HPD: variants seen among roughly 807,000 people sequenced by gnomAD.
The protein encoded by HPD is 4-hydroxyphenylpyruvate dioxygenase, also known as 4-hydroxyphenylpyruvic acid oxidase.
Under a neutral mutation model 56.9 loss-of-function variants are expected in HPD, and 35 were observed. The ratio of observed to expected loss-of-function variants is 0.62; its 90% CI spans 0.47 to 0.82. The LOEUF (loss-of-function observed/expected upper bound fraction) is 0.82. Among genes scored for constraint, HPD ranks in the 40% least tolerant of loss-of-function variants. The probability of loss-of-function intolerance (pLI) is 0.00; values close to 1 mark genes in which losing one functional copy is unlikely to be tolerated. For synonymous variants in HPD, 186 were observed against 200.2 expected, an observed-to-expected ratio of 0.93 and a Z score of 0.60; for missense variants, 442 against 506.8, an observed-to-expected ratio of 0.87 and a Z score of 1.23.
chr12:121,857,167 C>A (rs1878031947), intron 4 of HPD, 161 bp downstream of exon 4: 1 of 628,816 alleles, frequency 1.6e-6, no homozygotes, highest in Admixed American at 2.3e-5. Flanking sequence ...GCAACCTCTG[C>A]CTCCCGGGTT....
the HPD span, among the ~76,000 whole-genome samples, chr12:121,877,220 T>C: frequency 6.6e-6 from 1 of 152,098 alleles, no homozygotes; most frequent in African/African-American, 2.4e-5. Flanking sequence ...ATTCTACCCA[T>C]TGTACAGTTG....
At chr12:121,841,885 A>G (rs1877419930) in intron 12 of HPD, among the ~76,000 whole-genome samples, 1 of 152,018 alleles carries the variant, frequency 6.6e-6, no homozygotes, top group African/African-American at 2.4e-5. Context: ...GGGTTTCACC[A>G]TGTTGGCCAG....
chr12:121,861,035 A>C (rs974836218), upstream of HPD, among the ~76,000 whole-genome samples: 1 of 152,168 alleles, frequency 6.6e-6, no homozygotes, highest in African/African-American at 2.4e-5. Flanking sequence ...CCCTATCTCT[A>C]CTAAAAATAC....
the HPD span, among the ~76,000 whole-genome samples, chr12:121,881,687 G>A: frequency 4.0e-5 from 6 of 151,298 alleles, no homozygotes; most frequent in South Asian, 2.1e-4. Flanking sequence ...TTGCTCTGTC[G>A]CCAGTCTGGA....
At chr12:121,878,274 A>C in the HPD span, among the ~76,000 whole-genome samples, 1 of 152,220 alleles carries the variant, frequency 6.6e-6, no homozygotes, top group Non-Finnish European at 1.5e-5. Flanking sequence ...TACATGGAGA[A>C]GTGCATAAGT....
At chr12:121,882,692 T>C in the HPD span, among the ~76,000 whole-genome samples, 1,227 of 152,234 alleles carry the variant, frequency 8.1e-3, 13 homozygotes, top group African/African-American at 0.028. Context: ...GGACACATAA[T>C]GATTTCCAGG....
the HPD span, among the ~76,000 whole-genome samples, chr12:121,879,576 G>C: frequency 1.3e-5 from 2 of 151,508 alleles, no homozygotes; most frequent in African/African-American, 4.8e-5. Context: ...GCAGTGGTGT[G>C]ATCAGCTCAG....
intron 11 of HPD, among the ~76,000 whole-genome samples, chr12:121,846,092 G>C (rs948069702): frequency 6.6e-6 from 1 of 152,050 alleles, no homozygotes; most frequent in Non-Finnish European, 1.5e-5. Flanking sequence ...GCAGAGACAG[G>C]GTCCCACTGT....
At chr12:121,856,989 C>T (rs11043216) in intron 4 of HPD, 23 of 490,760 alleles carry the variant, frequency 4.7e-5, no homozygotes, top group Non-Finnish European at 6.7e-5. Context: ...TAGGAAGGGC[C>T]GTGTTGCATG....
chr12:121,880,215 T>C, the HPD span, among the ~76,000 whole-genome samples: 1 of 152,038 alleles, frequency 6.6e-6, no homozygotes, highest in Non-Finnish European at 1.5e-5. Context: ...TTCTTTCTTT[T>C]TTTTTCAGAT....
chr12:121,858,939 G>T, upstream of HPD: 1 of 1,232,228 alleles, frequency 8.1e-7, no homozygotes. Context: ...GGGATGGGGT[G>T]GGGAGCTGAG....
the HPD span, chr12:121,874,378 AG>A: frequency 2.0e-5 from 3 of 152,078 alleles, no homozygotes; most frequent in Non-Finnish European, 4.4e-5. Context: ...GAATTTTGGG[AG>A]GCCGAGGTGG....
the HPD span, among the ~76,000 whole-genome samples, chr12:121,881,732 C>T: frequency 1.7e-3 from 262 of 151,188 alleles, 3 homozygotes; most frequent in Non-Finnish European, 2.6e-3. Context: ...TTGCAAACTC[C>T]GCCTCCCGGG....
chr12:121,859,004 T>C, upstream of HPD: 1 of 681,074 alleles, frequency 1.5e-6, no homozygotes, highest in Non-Finnish European at 2.6e-6. Flanking sequence ...GCAGCCTCAT[T>C]GAACAGGATG....
chr12:121,846,969 C>T (rs773573337), intron 10 of HPD, 36 bp from the exon 11 acceptor site: 1 of 1,612,622 alleles, frequency 6.2e-7, no homozygotes, highest in African/African-American at 1.3e-5. Context: ...CTGTCATTTG[C>T]CCCATCACCC....
intron 8 of HPD, among the ~76,000 whole-genome samples, chr12:121,849,385 T>G (rs987986661): frequency 2.0e-5 from 3 of 152,066 alleles, no homozygotes; most frequent in East Asian, 3.8e-4. Context: ...TCAACTCATT[T>G]ACTATTACAG....
At position 121,839,630 on chromosome 12, in the gene HPD, G is replaced by A. The variant is rs1877336322; in HGVS notation, c.*98C>T. ...GCCTTGGGGGCCGAGTCCGCTGGTG[G>A]GCGGGACCCAAGGGGAGCAGCCAGT... On this transcript the variant is annotated 3_prime_UTR_variant, in exon 14 of 14. Transcript: ENST00000289004. The A allele has an allele frequency of 1.1e-6, 1 of 905,238 alleles. No homozygotes were observed. Among genetic ancestry groups the A allele is most frequent in the Non-Finnish European group, 1.8e-6 (1 of 554,308 alleles). 56.1% of individuals were successfully genotyped at this position (905,238 alleles called of 1,614,324 possible).
upstream of HPD, among the ~76,000 whole-genome samples, chr12:121,860,030 C>G (rs970314513): frequency 6.6e-6 from 1 of 152,138 alleles, no homozygotes; most frequent in Non-Finnish European, 1.5e-5. Flanking sequence ...CGGTGGTGCA[C>G]GTCTGTAGTC....
intron 1 of HPD, 22 bp downstream of exon 1, chr12:121,858,799 G>A: frequency 6.2e-7 from 1 of 1,614,122 alleles, no homozygotes; most frequent in Non-Finnish European, 8.5e-7. Context: ...CCCACCCAAG[G>A]GGAGATGGCC....
Sources: gnomAD v4.1 joint callset for allele counts (sites outside exome capture counted in the v4.1 genomes callset) on GRCh38, gnomAD v4.1.1 for gene constraint, MANE v1.5 for transcripts, NCBI Gene and HGNC (gene_info 2026-07-23, HGNC 2026-07-21) for gene names.